DIP2A: variants seen among roughly 807,000 people sequenced by gnomAD.
DIP2A encodes the protein DIP2 acetate--CoA ligase A.
DIP2A carries 85 observed loss-of-function variants against 177.4 expected under a neutral mutation model. That is an observed-to-expected ratio of 0.48 (90% CI 0.40 to 0.57). The LOEUF is 0.57. Among genes scored for constraint, DIP2A ranks in the 20% least tolerant of loss-of-function variants. The pLI is 0.00. For missense variants in DIP2A, 1,791 were observed against 2,100.2 expected (o/e 0.85, Z 2.88); for synonymous variants, 886 against 881.8 (o/e 1.00, Z -0.08).
Position 46,504,363 on chromosome 21 carries a change from C to G in DIP2A, c.658C>G (p.Leu220Val). Residue 220 changes from leucine to valine, a missense_variant and splice_region_variant, in exon 6 of 38, where the codon CTG (leucine) becomes GTG (valine). By Grantham distance (32) the Leu-to-Val change is conservative (BLOSUM62 1). Transcript: ENST00000417564. ...TTGGGTGTGTTTTTCAAAAGCAGAT[C>G]TGCATTCTGCCCCTCCTGATGTCAC... ...AGLEAHTHID[L>V]HSAPPDVTTG... 1 of 1,613,820 alleles carries G rather than the reference C, an allele frequency of 6.2e-7. No individual in the cohort carries two copies. Among genetic ancestry groups the G allele is most frequent in the Non-Finnish European group, 8.5e-7 (1 of 1,179,794 alleles).
chr21:46,529,063 C>A, intron 8 of DIP2A, 29 bp from the exon 9 acceptor site: 2 of 1,345,958 alleles, frequency 1.5e-6, no homozygotes, highest in African/African-American at 3.0e-5. Flanking sequence ...TTAAATTTTA[C>A]ATTGCTTAGT....
chr21:46,554,786 G>GGGGGGGGGGGGCCCCC, intron 27 of DIP2A, 36 bp from the exon 28 acceptor site: 9 of 1,518,982 alleles, frequency 5.9e-6, no homozygotes, highest in African/African-American at 1.4e-5. Context: ...AGCTTGAGAG[G>GGGGGGGGGGGGCCCCC]CCCCGCCCAC....
At chr21:46,538,779 C>A in intron 16 of DIP2A, 177 bp downstream of exon 16, 1 of 945,940 alleles carries the variant, frequency 1.1e-6, no homozygotes, top group Non-Finnish European at 1.5e-6. Context: ...TTATCCCATG[C>A]ATGTTTATTA....
At chr21:46,490,937 A>G (rs2056979248) in intron 3 of DIP2A, among the ~76,000 whole-genome samples, 1 of 152,140 alleles carries the variant, frequency 6.6e-6, no homozygotes, top group South Asian at 2.1e-4. Context: ...CTTTAGTGGC[A>G]CTTTCTTAGG....
intron 1 of DIP2A, among the ~76,000 whole-genome samples, chr21:46,473,623 C>T (rs2055593504): frequency 6.6e-6 from 1 of 152,304 alleles, no homozygotes. Flanking sequence ...TCAAGAAATT[C>T]TCCTGCCTCA....
At chr21:46,533,707 G>C (rs2059442755) in intron 11 of DIP2A, 60 bp downstream of exon 11, 1 of 1,601,016 alleles carries the variant, frequency 6.2e-7, no homozygotes, top group Admixed American at 1.7e-5. Context: ...TTAAATGCAT[G>C]GTGTTCCAGA....
chr21:46,495,386 A>G (rs190658824), intron 3 of DIP2A, among the ~76,000 whole-genome samples: 1 of 151,618 alleles, frequency 6.6e-6, no homozygotes, highest in Non-Finnish European at 1.5e-5. Flanking sequence ...TTCCTGCCTC[A>G]GCCTCTCAAG....
At chr21:46,505,380 G>A (rs921228166) in intron 6 of DIP2A, among the ~76,000 whole-genome samples, 2 of 152,048 alleles carry the variant, frequency 1.3e-5, no homozygotes, top group African/African-American at 2.4e-5. Flanking sequence ...AGGCTGAGGC[G>A]GGCAGATCAC....
chr21:46,550,422 G>T lies in DIP2A; in HGVS notation c.2638-121G>T. The T allele has an allele frequency of 4.4e-6, 4 of 903,640 alleles. No homozygotes were observed. In the South Asian group the frequency reaches 6.4e-5, roughly 15 times the overall value. The allele number at this position is 903,640 out of a possible 1,614,324, so 56.0% of individuals were successfully genotyped here. On this transcript the variant is annotated intron_variant, in intron 22 of 37. Transcript: ENST00000417564. ...GTTTCCTCATTTAACAAAGTGTCCAGAGGGCATTCCATTTCCTGGCCTGGG... is the reference window on the plus strand; with the variant it reads ...GTTTCCTCATTTAACAAAGTGTCCATAGGGCATTCCATTTCCTGGCCTGGG...
chr21:46,497,199 G>A (rs111799431), intron 4 of DIP2A, 92 bp downstream of exon 4: 8 of 1,464,524 alleles, frequency 5.5e-6, no homozygotes, highest in African/African-American at 1.4e-5. Flanking sequence ...TGGAATATCC[G>A]TCTGGCCTGT....
chr21:46,503,828 T>G (rs764966336), intron 5 of DIP2A, among the ~76,000 whole-genome samples: 1 of 151,982 alleles, frequency 6.6e-6, no homozygotes, highest in Non-Finnish European at 1.5e-5. Context: ...TGGGTTCAAG[T>G]GATTCTCCTG....
At chr21:46,496,609 A>G (rs971782974) in intron 3 of DIP2A, among the ~76,000 whole-genome samples, 2 of 152,176 alleles carry the variant, frequency 1.3e-5, no homozygotes, top group Non-Finnish European at 2.9e-5. Context: ...GTTTTAAGAA[A>G]TTTTACGAAT....
Position 46,473,463 on chromosome 21 carries a change from A to T in DIP2A, c.92-11294A>T, listed in dbSNP as rs567685957. On this transcript the variant is annotated intron_variant, in intron 1 of 37. Transcript: ENST00000417564. Reference sequence around the variant, plus strand: ...CAGTGAGACCATGTCTCAGGGAAAAAAAAAGGGGGGGGGGCCATGGCGGTG... The same window carrying T: ...CAGTGAGACCATGTCTCAGGGAAAATAAAAGGGGGGGGGGCCATGGCGGTG... Among the ~76,000 whole-genome samples the T allele has an allele frequency of 5.5e-4, 77 of 139,910 alleles. 1 individual carries two copies. The East Asian group carries it at 0.017, about 30-fold the overall frequency. The allele number at this position is 139,910 out of a possible 152,430, so 91.8% of individuals were successfully genotyped here.
rs760215615 is a variant in DIP2A at position 46,550,524 on chromosome 21, C to T, written c.2638-19C>T. 7 of 1,605,882 alleles carry T rather than the reference C, an allele frequency of 4.4e-6. No homozygotes were observed. Among genetic ancestry groups the T allele is most frequent in the Middle Eastern group, 1.7e-4 (1 of 5,852 alleles). On this transcript the variant is annotated intron_variant, in intron 22 of 37. Transcript: ENST00000417564. Reference sequence around the variant, plus strand: ...CCTCAAGTTGGGGGCCTGTGCCAAACAGGGTCCTTCCCTTTCAGGCCATTG... The same window carrying T: ...CCTCAAGTTGGGGGCCTGTGCCAAATAGGGTCCTTCCCTTTCAGGCCATTG...
intron 1 of DIP2A, among the ~76,000 whole-genome samples, chr21:46,471,161 G>C (rs1034598296): frequency 6.6e-6 from 1 of 152,016 alleles, no homozygotes; most frequent in Admixed American, 6.6e-5. Flanking sequence ...AGCCTCCCAA[G>C]TAGTTAGGAT....
Position 46,537,165 on chromosome 21 carries a change from A to G in DIP2A, c.1643-59A>G. ...ACTCACCTCAGAATTTCTCTAGAAA[A>G]TGCATAGGGCTTATTGAGAGGGTTG... On this transcript the variant is annotated intron_variant, in intron 13 of 37. Transcript: ENST00000417564. This position sits in a 1 kb window ranked among gnomAD's most constrained non-coding sequence, Gnocchi z 4.1. The G allele has an allele frequency of 6.4e-7, 1 of 1,573,344 alleles. No individual in the cohort carries two copies. Among genetic ancestry groups the G allele is most frequent in the Non-Finnish European group, 8.7e-7 (1 of 1,142,926 alleles).
intron 32 of DIP2A, among the ~76,000 whole-genome samples, chr21:46,559,489 C>T (rs1414741200): frequency 3.3e-5 from 5 of 152,220 alleles, no homozygotes; most frequent in Non-Finnish European, 7.3e-5. Context: ...AGACCCCTGA[C>T]CACTCAAGCC....
intron 2 of DIP2A, among the ~76,000 whole-genome samples, chr21:46,487,459 C>T (rs765517718): frequency 1.2e-4 from 19 of 152,144 alleles, no homozygotes; most frequent in Admixed American, 4.6e-4. Flanking sequence ...TGGCCATGCC[C>T]ATTCTTATTA....
chr21:46,562,502 G>A (rs2060700203), intron 34 of DIP2A, among the ~76,000 whole-genome samples: 1 of 152,228 alleles, frequency 6.6e-6, no homozygotes, highest in Non-Finnish European at 1.5e-5. Flanking sequence ...ACAGCCACCT[G>A]TGGGGAGTCA....
Sources: allele counts gnomAD v4.1 joint callset (sites outside exome capture counted in the v4.1 genomes callset), GRCh38; gene constraint gnomAD v4.1.1; non-coding constraint Gnocchi (gnomAD v3.1); transcripts MANE v1.5; gene names NCBI Gene and HGNC (gene_info 2026-07-23, HGNC 2026-07-21).